The following ATP8B1 variants were observed in gnomAD, a reference collection of about 807,000 sequenced individuals.
ATP8B1 encodes the protein ATPase phospholipid transporting 8B1.
In ATP8B1, 80 loss-of-function variants were observed where a neutral mutation model predicts 149.9. The ratio of observed to expected loss-of-function variants is 0.53; its 90% CI spans 0.45 to 0.64. ATP8B1 has a LOEUF of 0.64. ATP8B1 is among the 30% of genes least tolerant of loss of function. The pLI is 0.00. For synonymous variants in ATP8B1, 536 were observed against 562.8 expected, an observed-to-expected ratio of 0.95 and a Z score of 0.67; for missense variants, 1,247 against 1,552.6, an observed-to-expected ratio of 0.80 and a Z score of 3.31.
intron 6 of ATP8B1, among the ~76,000 whole-genome samples, chr18:57,698,399 A>G (rs1433263923): frequency 6.6e-6 from 1 of 151,978 alleles, no homozygotes; most frequent in African/African-American, 2.4e-5. Flanking sequence ...GCTGGAGTGC[A>G]GTGGCACGAT....
chr18:57,677,619 A>G (rs1235900970), intron 15 of ATP8B1, among the ~76,000 whole-genome samples: 1 of 152,178 alleles, frequency 6.6e-6, no homozygotes, highest in Non-Finnish European at 1.5e-5. Context: ...TCACTTCCTA[A>G]TTAATAATTA....
intron 1 of ATP8B1, among the ~76,000 whole-genome samples, chr18:57,763,213 A>T (rs1418012549): frequency 6.6e-6 from 1 of 152,006 alleles, no homozygotes; most frequent in Admixed American, 6.6e-5. Context: ...ACCAACATGG[A>T]GAGGCCCTGT....
intron 8 of ATP8B1, among the ~76,000 whole-genome samples, chr18:57,696,981 C>T (rs769125426): frequency 4.6e-5 from 7 of 152,160 alleles, no homozygotes; most frequent in Admixed American, 1.3e-4. Flanking sequence ...CCTCCTGGGG[C>T]CAGCTGCTGT....
At position 57,661,652 on chromosome 18, in the gene ATP8B1, CATATATGTATGTGTGTATGTATAT is replaced by C. The variant is rs1474151047; in HGVS notation, c.2419-214_2419-191del. ...GTGTGTATGTATATACACACGCACA[CATATATGTATGTGTGTATGTATAT>C]ACACACACACACACACACACATATA... is the stretch of plus-strand genomic sequence containing the variant. On this transcript the variant is annotated intron_variant, in intron 21 of 27. Transcript: ENST00000648908. 1.7e-4 allele frequency among the ~76,000 whole-genome samples: 19 copies of C among 111,274 alleles called. No individual in the cohort carries two copies. The South Asian group carries it at 2.6e-3, about 15-fold the overall frequency. The allele number at this position is 111,274 out of a possible 152,430, so 73.0% of individuals were successfully genotyped here.
rs776319141 is a variant in ATP8B1, at chr18:57,661,189, C to T, written c.2692G>A (p.Val898Met). The T allele has an allele frequency of 8.7e-6, 14 of 1,613,780 alleles. No homozygotes were observed. The highest frequency in any genetic ancestry group is 1.0e-5 in the Non-Finnish European group (12 of 1,180,046). ...TLAIGDGAND[V>M]NMIKTAHIGV... ...CATGACTCACTTTTGATCATGTTCA[C>T]GTCATTGGCCCCATCTCCGATGGCC... The change falls in exon 22 of 28, where the codon GTG (valine) becomes ATG (methionine). Residue 898 changes from valine to methionine, a missense_variant. Val to Met is a conservative substitution (Grantham distance 21, BLOSUM62 1). Coordinates refer to ENST00000648908, the MANE Select transcript of ATP8B1 (RefSeq NM_001374385.1).
At chr18:57,746,913 C>A (rs2079969710) in intron 1 of ATP8B1, among the ~76,000 whole-genome samples, 1 of 152,150 alleles carries the variant, frequency 6.6e-6, no homozygotes, top group Non-Finnish European at 1.5e-5. Context: ...GTTTGCATGT[C>A]AAGGCAGAAG....
intron 1 of ATP8B1, among the ~76,000 whole-genome samples, chr18:57,732,223 ATGTATATATG>A (rs2079783856): frequency 1.4e-4 from 2 of 14,252 alleles, no homozygotes; most frequent in African/African-American, 2.7e-4. Flanking sequence ...ATGTGTATAT[ATGTATATATG>A]TGTATATATA....
intron 1 of ATP8B1, among the ~76,000 whole-genome samples, chr18:57,789,143 T>G (rs1272099100): frequency 6.6e-6 from 1 of 152,212 alleles, no homozygotes; most frequent in Non-Finnish European, 1.5e-5. Context: ...ATTTTTAGTG[T>G]AAGTCAGTCC....
chr18:57,694,444 C>A, intron 11 of ATP8B1, 138 bp downstream of exon 11: 2 of 616,682 alleles, frequency 3.2e-6, no homozygotes, highest in Non-Finnish European at 2.9e-6. Context: ...CTTCTTCCTG[C>A]ATTTGAAGCT....
intron 1 of ATP8B1, among the ~76,000 whole-genome samples, chr18:57,783,711 T>G (rs2850242): frequency 3.9e-5 from 6 of 151,956 alleles, no homozygotes; most frequent in Non-Finnish European, 7.4e-5. Context: ...TGGCACGCGC[T>G]TGTAATCCCA....
intron 1 of ATP8B1, among the ~76,000 whole-genome samples, chr18:57,786,360 AG>A (rs1315602837): frequency 6.6e-6 from 1 of 152,162 alleles, no homozygotes; most frequent in African/African-American, 2.4e-5. Context: ...GCTCGTCAAA[AG>A]CCTCTCAGCC....
At chr18:57,718,627 A>G (rs1284706727) in intron 2 of ATP8B1, among the ~76,000 whole-genome samples, 1 of 152,246 alleles carries the variant, frequency 6.6e-6, no homozygotes, top group Non-Finnish European at 1.5e-5. Context: ...CCTCAACAAA[A>G]TACTAGAAAA....
intron 11 of ATP8B1, among the ~76,000 whole-genome samples, chr18:57,692,242 C>T (rs1439865388): frequency 6.6e-6 from 1 of 152,094 alleles, no homozygotes; most frequent in African/African-American, 2.4e-5. Context: ...AATTATCTCT[C>T]CAAAGAGAAG....
chr18:57,685,656 G>A (rs1032811433), intron 13 of ATP8B1, among the ~76,000 whole-genome samples: 1 of 152,128 alleles, frequency 6.6e-6, no homozygotes, highest in Non-Finnish European at 1.5e-5. Flanking sequence ...AATTGGCTGG[G>A]TGTGGTGGCT....
At chr18:57,754,936 A>T (rs561038996) in intron 1 of ATP8B1, among the ~76,000 whole-genome samples, 6 of 152,300 alleles carry the variant, frequency 3.9e-5, no homozygotes, top group Admixed American at 3.9e-4. Flanking sequence ...CAAACTCTGG[A>T]ATTTAGAATA....
intron 1 of ATP8B1, among the ~76,000 whole-genome samples, chr18:57,743,753 T>G: frequency 6.6e-6 from 1 of 152,086 alleles, no homozygotes; most frequent in East Asian, 1.9e-4. Context: ...CATGCAGCCT[T>G]GAGAAGGCTT....
intron 2 of ATP8B1, among the ~76,000 whole-genome samples, chr18:57,727,261 G>A (rs2079718310): frequency 6.6e-6 from 1 of 152,078 alleles, no homozygotes; most frequent in South Asian, 2.1e-4. Context: ...ACCGATCAGA[G>A]AAAGAAAGAA....
At chr18:57,739,236 GATCCGCTC>G (rs1190386926) in intron 1 of ATP8B1, among the ~76,000 whole-genome samples, 3 of 152,224 alleles carry the variant, frequency 2.0e-5, no homozygotes, top group Non-Finnish European at 4.4e-5. Context: ...GACCTCAGGT[GATCCGCTC>G]ACCTTGGCCT....
At chr18:57,736,177 ATTAT>A (rs2079852813) in intron 1 of ATP8B1, among the ~76,000 whole-genome samples, 1 of 151,910 alleles carries the variant, frequency 6.6e-6, no homozygotes, top group Non-Finnish European at 1.5e-5. Context: ...GGCTGCAGGG[ATTAT>A]TTGTTTTTGA....
Sources: gnomAD v4.1 joint callset for allele counts (sites outside exome capture counted in the v4.1 genomes callset) on GRCh38, gnomAD v4.1.1 for gene constraint, MANE v1.5 for transcripts, NCBI Gene and HGNC (gene_info 2026-07-23, HGNC 2026-07-21) for gene names.